LINGO2: variants seen among roughly 807,000 people sequenced by gnomAD.
LINGO2 encodes the protein leucine rich repeat and Ig domain containing 2.
In LINGO2, 14 loss-of-function variants were observed where a neutral mutation model predicts 30.6. The observed-to-expected ratio is 0.46, with a 90% CI of 0.30 to 0.72. The LOEUF is 0.72. LINGO2 is among the 30% of genes least tolerant of loss of function. LINGO2 has a pLI of 0.07. For synonymous variants in LINGO2, 317 were observed against 288.5 expected (o/e 1.10, Z -1.00); for missense variants, 729 against 751.7 (o/e 0.97, Z 0.35).
At chr9:28,060,192 C>G (rs560905378) in intron 4 of LINGO2, among the ~76,000 whole-genome samples, 1 of 152,158 alleles carries the variant, frequency 6.6e-6, no homozygotes, top group East Asian at 1.9e-4. Flanking sequence ...CCCACAAAAG[C>G]AACAAAAATT....
At chr9:28,199,883 G>A (rs924134718) in intron 4 of LINGO2, among the ~76,000 whole-genome samples, 1 of 151,102 alleles carries the variant, frequency 6.6e-6, no homozygotes, top group Non-Finnish European at 1.5e-5. Context: ...ACCTTTTAAA[G>A]TATTAGTATA....
the LINGO2 span, among the ~76,000 whole-genome samples, chr9:28,878,942 C>T: frequency 6.6e-6 from 1 of 152,122 alleles, no homozygotes; most frequent in South Asian, 2.1e-4. Context: ...CAGGGATGCC[C>T]TCTCTCACCA....
chr9:28,856,223 G>A, the LINGO2 span, among the ~76,000 whole-genome samples: 2 of 151,978 alleles, frequency 1.3e-5, no homozygotes, highest in South Asian at 2.1e-4. Flanking sequence ...GAGATTTTGT[G>A]CTTTGCTTCC....
At chr9:28,569,270 G>A (rs899160085) in intron 1 of LINGO2, among the ~76,000 whole-genome samples, 9 of 151,914 alleles carry the variant, frequency 5.9e-5, no homozygotes, top group African/African-American at 2.2e-4. Flanking sequence ...GTATGATCCA[G>A]CAATCCCACT....
chr9:28,908,345 T>C, the LINGO2 span, among the ~76,000 whole-genome samples: 2 of 151,832 alleles, frequency 1.3e-5, no homozygotes, highest in Admixed American at 1.3e-4. Flanking sequence ...TATTTTATTG[T>C]AGTGGAAATA....
At chr9:28,369,691 T>C (rs771654214) in intron 3 of LINGO2, among the ~76,000 whole-genome samples, 3 of 152,176 alleles carry the variant, frequency 2.0e-5, no homozygotes, top group Non-Finnish European at 4.4e-5. Context: ...GAGATACATA[T>C]GTAGCAAAAG....
the LINGO2 span, among the ~76,000 whole-genome samples, chr9:29,128,835 A>G: frequency 6.6e-6 from 1 of 152,120 alleles, no homozygotes; most frequent in Non-Finnish European, 1.5e-5. Context: ...ACTTATTGTT[A>G]TACGTTGTGC....
the LINGO2 span, among the ~76,000 whole-genome samples, chr9:28,951,895 T>C: frequency 6.6e-6 from 1 of 152,082 alleles, no homozygotes; most frequent in Non-Finnish European, 1.5e-5. Flanking sequence ...AGGATATGAA[T>C]AGACACTTCT....
chr9:28,846,437 C>T, the LINGO2 span, among the ~76,000 whole-genome samples: 1 of 125,578 alleles, frequency 8.0e-6, no homozygotes, highest in African/African-American at 3.2e-5. Context: ...TTAAGATTCC[C>T]GATTTATTGC....
the LINGO2 span, chr9:27,938,166 A>G: frequency 2.0e-5 from 3 of 152,192 alleles, no homozygotes; most frequent in Admixed American, 6.5e-5. Context: ...CCAATCCAGC[A>G]TCTCTCTGAG....
At chr9:28,434,526 C>T (rs1467515612) in intron 2 of LINGO2, among the ~76,000 whole-genome samples, 3 of 100,402 alleles carry the variant, frequency 3.0e-5, no homozygotes, top group African/African-American at 1.1e-4. Flanking sequence ...AGTTCTTGAG[C>T]ATCAAAAAAA....
intron 4 of LINGO2, among the ~76,000 whole-genome samples, chr9:28,163,052 T>TGGCAAGAAA: frequency 6.6e-6 from 1 of 152,256 alleles, no homozygotes; most frequent in African/African-American, 2.4e-5. Context: ...TTTTATCTTT[T>TGGCAAGAAA]GGCAAGAAAG....
At chr9:28,135,506 T>C (rs1429751427) in intron 4 of LINGO2, among the ~76,000 whole-genome samples, 2 of 151,808 alleles carry the variant, frequency 1.3e-5, no homozygotes, top group Non-Finnish European at 2.9e-5. Flanking sequence ...TGATCTAGTA[T>C]CTACTCAATA....
chr9:29,074,972 G>A, the LINGO2 span, among the ~76,000 whole-genome samples: 1 of 152,016 alleles, frequency 6.6e-6, no homozygotes, highest in Non-Finnish European at 1.5e-5. Context: ...CACCGCGCCA[G>A]GCCCATTTTT....
At chr9:28,688,633 G>C in the LINGO2 span, among the ~76,000 whole-genome samples, 45 of 152,126 alleles carry the variant, frequency 3.0e-4, no homozygotes, top group Middle Eastern at 0.01. Context: ...AAATAAACTC[G>C]TTTAAACAAC....
At chr9:28,880,401 A>G in the LINGO2 span, among the ~76,000 whole-genome samples, 4 of 152,218 alleles carry the variant, frequency 2.6e-5, no homozygotes, top group African/African-American at 9.6e-5. Flanking sequence ...TCAAGGTTTA[A>G]GTGATCTAGG....
intron 2 of LINGO2, among the ~76,000 whole-genome samples, chr9:28,472,557 C>CA (rs1338682937): frequency 2.6e-5 from 4 of 152,006 alleles, no homozygotes; most frequent in Non-Finnish European, 5.9e-5. Context: ...CCATGCAATA[C>CA]AAAAAATCGT....
intron 2 of LINGO2, among the ~76,000 whole-genome samples, chr9:28,464,525 A>T (rs1825219395): frequency 6.6e-6 from 1 of 152,226 alleles, no homozygotes. Flanking sequence ...CAAAACTAAA[A>T]ATGTTCCTGC....
the LINGO2 span, among the ~76,000 whole-genome samples, chr9:28,840,047 A>G: frequency 6.6e-6 from 1 of 152,068 alleles, no homozygotes; most frequent in Non-Finnish European, 1.5e-5. Context: ...GGGCTCAGCC[A>G]CAACCCTGCT....
Sources: allele counts gnomAD v4.1 joint callset (sites outside exome capture counted in the v4.1 genomes callset), GRCh38; gene constraint gnomAD v4.1.1; transcripts MANE v1.5; gene names NCBI Gene and HGNC (gene_info 2026-07-23, HGNC 2026-07-21).